The following CALML4 variants were observed in gnomAD, a reference collection of about 807,000 sequenced individuals.
The protein encoded by CALML4 is calmodulin like 4.
Under a neutral mutation model 17.9 loss-of-function variants are expected in CALML4, and 16 were observed. The observed-to-expected ratio is 0.89, with a 90% CI of 0.61 to 1.36. The LOEUF is 1.36. Ranked by LOEUF, CALML4 falls within the 40% of genes most tolerant of loss-of-function variation. The pLI, the probability that CALML4 is intolerant of heterozygous loss-of-function variation, is 0.00. For synonymous variants in CALML4, 86 were observed against 71.5 expected (o/e 1.20, Z -1.02); for missense variants, 203 against 194.8 (o/e 1.04, Z -0.25).
At chr15:68,203,683 C>A (rs886652781) in intron 2 of CALML4, among the ~76,000 whole-genome samples, 1 of 152,210 alleles carries the variant, frequency 6.6e-6, no homozygotes, top group African/African-American at 2.4e-5. Context: ...CATTATTCCC[C>A]TCTGTCCGTG....
At position 68,205,306 on chromosome 15, in the gene CALML4, T is replaced by C. The variant is rs770434695; in HGVS notation, c.-59A>G. The C allele has an allele frequency of 3.1e-6, 5 of 1,614,128 alleles. No homozygotes were observed. The highest frequency in any genetic ancestry group is 3.4e-6 in the Non-Finnish European group (4 of 1,180,024). On this transcript the variant is annotated 5_prime_UTR_variant, in exon 1 of 5. Coordinates refer to ENST00000467889, the MANE Select transcript of CALML4 (RefSeq NM_033429.3). The surrounding 1 kb of genome is among the most constrained non-coding windows in gnomAD (Gnocchi z 4.8). ...GCTCCCAGAACCGCGTTCAGTTCCCTTTCCTCCAGCCTCAAGTCTAAAGTC... is the reference window on the plus strand; with the variant it reads ...GCTCCCAGAACCGCGTTCAGTTCCCCTTCCTCCAGCCTCAAGTCTAAAGTC...
At chr15:68,201,589 G>C (rs2093165801) in intron 2 of CALML4, among the ~76,000 whole-genome samples, 1 of 152,180 alleles carries the variant, frequency 6.6e-6, no homozygotes, top group Admixed American at 6.5e-5. Context: ...TTGGGGTCCA[G>C]AATCAGCCTG....
Position 68,191,093 on chromosome 15 carries a change from G to T in CALML4, c.*2922C>A, listed in dbSNP as rs1284296619. 1.3e-5 allele frequency: 2 copies of T among 152,586 alleles called. No homozygotes were observed. The highest frequency in any genetic ancestry group is 2.1e-4 in the South Asian group (1 of 4,832). The allele number at this position is 152,586 out of a possible 1,614,324, so 9.5% of individuals were successfully genotyped here. A position where few individuals can be genotyped will look rare whatever the true frequency, so the allele number is the denominator to read the frequency against. Reference sequence around the variant, plus strand: ...GAATTTTGTTTTATCAATAGATGTTGAATTCTGTTTTTTAATTAAATACAA... The same window carrying T: ...GAATTTTGTTTTATCAATAGATGTTTAATTCTGTTTTTTAATTAAATACAA... On this transcript the variant is annotated 3_prime_UTR_variant, in exon 5 of 5. Coordinates refer to ENST00000467889, the MANE Select transcript of CALML4 (RefSeq NM_033429.3).
rs2093131632 is a variant in CALML4 at position 68,193,959 on chromosome 15, A to C, written c.*56T>G. 4 of 1,346,866 alleles carry C rather than the reference A, an allele frequency of 3.0e-6. No individual in the cohort carries two copies. The highest frequency in any genetic ancestry group is 4.2e-6 in the Non-Finnish European group (4 of 946,828). 83.4% of individuals were successfully genotyped at this position (1,346,866 alleles called of 1,614,324 possible). On this transcript the variant is annotated 3_prime_UTR_variant, in exon 5 of 5. Coordinates refer to ENST00000467889, the MANE Select transcript of CALML4 (RefSeq NM_033429.3). ...CCAAGTGAAAAGAACACTTTTTAAA[A>C]AAAATTAATTGCTCCAAGTTTTCAG...
intron 2 of CALML4, among the ~76,000 whole-genome samples, chr15:68,203,588 C>T (rs2093172441): frequency 6.6e-6 from 1 of 152,172 alleles, no homozygotes; most frequent in African/African-American, 2.4e-5. Context: ...AAAACTATGG[C>T]TCTTGCTAGC....
In CALML4 at chr15:68,205,007, G is replaced by T; in HGVS notation, c.34+114C>A. The T allele has an allele frequency of 1.5e-6, 2 of 1,302,608 alleles. No individual in the cohort carries two copies. Among genetic ancestry groups the T allele is most frequent in the Non-Finnish European group, 2.2e-6 (2 of 917,168 alleles). The allele number at this position is 1,302,608 out of a possible 1,614,324, so 80.7% of individuals were successfully genotyped here. A position where few individuals can be genotyped will look rare whatever the true frequency, so the allele number is the denominator to read the frequency against. On this transcript the variant is annotated intron_variant, in intron 2 of 4. Transcript: ENST00000467889. The surrounding 1 kb of genome is among the most constrained non-coding windows in gnomAD (Gnocchi z 4.8). ...CCCCGCAGCTCTTGGCCCTGGGTGG[G>T]CCCAGCTCTCCCACAGCCACCTTCC...
Position 68,205,224 on chromosome 15 carries a change from G to A in CALML4, c.3+21C>T, listed in dbSNP as rs199538945. On this transcript the variant is annotated intron_variant, in intron 1 of 4. Transcript: ENST00000467889. This position sits in a 1 kb window ranked among gnomAD's most constrained non-coding sequence, Gnocchi z 4.8. Reference sequence around the variant, plus strand: ...TCACGCCCCCAGCCCTGGCCAGGCCGACACAGACCCTCACACTCACCATTC... The same window carrying A: ...TCACGCCCCCAGCCCTGGCCAGGCCAACACAGACCCTCACACTCACCATTC... The A allele has an allele frequency of 4.0e-5, 65 of 1,614,122 alleles. No homozygotes were observed. In the East Asian group the frequency reaches 1.2e-3, roughly 29 times the overall value.
intron 3 of CALML4, chr15:68,198,218 T>C (rs2093152633): frequency 6.6e-6 from 1 of 152,496 alleles, no homozygotes; most frequent in Non-Finnish European, 1.5e-5. Context: ...ACCACCCCTT[T>C]GGAGCTGGAC....
In CALML4 at chr15:68,204,251, C is replaced by T. The variant is rs1182570915; in HGVS notation, c.34+870G>A. On this transcript the variant is annotated intron_variant, in intron 2 of 4. Coordinates refer to ENST00000467889, the MANE Select transcript of CALML4 (RefSeq NM_033429.3). The surrounding 1 kb of genome is among the most constrained non-coding windows in gnomAD (Gnocchi z 6.0). ...ACTTGGCTGGGCTCTCAGGACCCTACCCTGGATCACAAGGGCCCAAGGTGC... is the reference window on the plus strand; with the variant it reads ...ACTTGGCTGGGCTCTCAGGACCCTATCCTGGATCACAAGGGCCCAAGGTGC... 6.6e-6 allele frequency among the ~76,000 whole-genome samples: 1 copy of T among 152,190 alleles called. No individual in the cohort carries two copies. The highest frequency in any genetic ancestry group is 1.5e-5 in the Non-Finnish European group (1 of 68,032).
chr15:68,203,232 G>T (rs144146782), intron 2 of CALML4, among the ~76,000 whole-genome samples: 52 of 152,300 alleles, frequency 3.4e-4, no homozygotes, highest in Non-Finnish European at 7.2e-4. Flanking sequence ...TTACAGACGT[G>T]AGCCACTGCA....
In CALML4 at chr15:68,200,480, G is replaced by C. The variant is rs373689152; in HGVS notation, c.35-799C>G. 2.0e-5 allele frequency among the ~76,000 whole-genome samples: 3 copies of C among 152,204 alleles called. No homozygotes were observed. Among genetic ancestry groups the C allele is most frequent in the Non-Finnish European group, 2.9e-5 (2 of 68,034 alleles). Reference sequence around the variant, plus strand: ...AGCTCCCCTAAACCCACAGACTCCCGGCCTGACACAGCCATCCCACGGGCT... The same window carrying C: ...AGCTCCCCTAAACCCACAGACTCCCCGCCTGACACAGCCATCCCACGGGCT... On this transcript the variant is annotated intron_variant, in intron 2 of 4. Transcript: ENST00000467889. This position sits in a 1 kb window ranked among gnomAD's most constrained non-coding sequence, Gnocchi z 4.3.
chr15:68,201,923 C>T (rs778229124), intron 2 of CALML4, among the ~76,000 whole-genome samples: 8 of 152,162 alleles, frequency 5.3e-5, no homozygotes, highest in African/African-American at 1.4e-4. Context: ...CCTGACAGGT[C>T]GGCCCTCTAA....
At chr15:68,194,353 G>A (rs537460134) in intron 4 of CALML4, among the ~76,000 whole-genome samples, 6 of 151,464 alleles carry the variant, frequency 4.0e-5, no homozygotes, top group Non-Finnish European at 1.5e-5. Flanking sequence ...AGGTGTACTG[G>A]TAAGGATTCG....
At chr15:68,203,339 A>G (rs901565130) in intron 2 of CALML4, among the ~76,000 whole-genome samples, 2 of 152,206 alleles carry the variant, frequency 1.3e-5, no homozygotes, top group Admixed American at 1.3e-4. Flanking sequence ...AATGAGTGCG[A>G]TTCTTTTTCC....
chr15:68,194,822 C>T (rs536646021), intron 4 of CALML4, among the ~76,000 whole-genome samples: 132 of 152,132 alleles, frequency 8.7e-4, no homozygotes, highest in Middle Eastern at 3.4e-3. Context: ...TCCCAGGCTT[C>T]GGCCTGCTCC....
chr15:68,193,542 C>G lies in CALML4; in HGVS notation c.*473G>C, dbSNP rs1315152163. The G allele has an allele frequency of 6.5e-6, 1 of 153,626 alleles. No individual in the cohort carries two copies. Among genetic ancestry groups the G allele is most frequent in the African/African-American group, 2.4e-5 (1 of 41,484 alleles). 9.5% of individuals were successfully genotyped at this position (153,626 alleles called of 1,614,324 possible). ...TAGCACTGGCTTCATCTTGGAAAAT[C>G]TTGGAAATATGGAAGATGGTTCTAG... On this transcript the variant is annotated 3_prime_UTR_variant, in exon 5 of 5. Coordinates refer to ENST00000467889, the MANE Select transcript of CALML4 (RefSeq NM_033429.3).
Position 68,199,657 on chromosome 15 carries a change from T to C in CALML4, c.59A>G (p.Tyr20Cys), listed in dbSNP as rs1394380238. ...INEYKECFSL[Y>C]DKQQRGKIKA... ...TATCTTCCCCCTCTGCTGCTTGTCA[T>C]ACAGGGAGAAGCATTCCTTGTACTC... Residue 20 changes from tyrosine (Y) to cysteine (C), a missense_variant, in exon 3 of 5, where the codon TAT becomes TGT. Coordinates refer to ENST00000467889, the MANE Select transcript of CALML4 (RefSeq NM_033429.3). 6.2e-7 allele frequency: 1 copy of C among 1,613,380 alleles called. No individual in the cohort carries two copies.
upstream of CALML4, chr15:68,205,818 CTTGCTGAG>C (rs1169403859): frequency 5.2e-6 from 1 of 192,612 alleles, no homozygotes; most frequent in Non-Finnish European, 1.1e-5. The surrounding 1 kb of genome is among the most constrained non-coding windows in gnomAD (Gnocchi z 4.8). Flanking sequence ...CGTCTGCTGA[CTTGCTGAG>C]TGACTGGCGA....
rs1452510934 is a variant in CALML4, at chr15:68,192,695, G to C, written c.*1320C>G. The C allele has an allele frequency of 6.6e-6, 1 of 152,226 alleles. No homozygotes were observed. Among genetic ancestry groups the C allele is most frequent in the African/African-American group, 2.4e-5 (1 of 41,422 alleles). 9.4% of individuals were successfully genotyped at this position (152,226 alleles called of 1,614,324 possible). ...CAGTTTTCCCTGTGCCCGGTGCCTA[G>C]TGAAAGATTTGTGTCTTGTACATCC... On this transcript the variant is annotated 3_prime_UTR_variant, in exon 5 of 5. Transcript: ENST00000467889.
Sources: allele counts gnomAD v4.1 joint callset (sites outside exome capture counted in the v4.1 genomes callset), GRCh38; gene constraint gnomAD v4.1.1; non-coding constraint Gnocchi (gnomAD v3.1); transcripts MANE v1.5; gene names NCBI Gene and HGNC (gene_info 2026-07-23, HGNC 2026-07-21).